The following OPN1SW variants were observed in gnomAD, a reference collection of about 807,000 sequenced individuals.
OPN1SW encodes the protein short-wave-sensitive opsin 1.
Under a neutral mutation model 31.9 loss-of-function variants are expected in OPN1SW, and 25 were observed. That is an observed-to-expected ratio of 0.78 (90% CI 0.57 to 1.09). OPN1SW has a LOEUF of 1.09. Among genes scored for constraint, OPN1SW ranks in the 50% least tolerant of loss-of-function variants. OPN1SW has a pLI of 0.00. For synonymous variants in OPN1SW, 190 were observed against 171.9 expected, an observed-to-expected ratio of 1.11 and a Z score of -0.82; for missense variants, 424 against 448.0, an observed-to-expected ratio of 0.95 and a Z score of 0.48.
In OPN1SW at chr7:128,775,675, G is replaced by A. The variant is rs746881691; in HGVS notation, c.107C>T (p.Ala36Val). ...TATAAGGAAGACAGTGCCCATGAAA[G>A]CTGCCTGGAGGTAGAAGGCCCAGAC... ...APVWAFYLQA[A>V]FMGTVFLIGF... The change falls in exon 1 of 5, where the codon GCT becomes GTT. Residue 36 changes from alanine to valine, a missense_variant. By Grantham distance (64) the Ala-to-Val change is moderately conservative. Transcript: ENST00000249389. The A allele has an allele frequency of 4.3e-6, 7 of 1,614,182 alleles. No homozygotes were observed. Among genetic ancestry groups the A allele is most frequent in the Admixed American group, 1.7e-5 (1 of 60,030 alleles).
In OPN1SW at chr7:128,775,652, T is replaced by C. The variant is rs1008553132; in HGVS notation, c.130A>G (p.Ile44Val). ...ACCATGGCATTGAGTGGGAACCCTA[T>C]AAGGAAGACAGTGCCCATGAAAGCT... Reference protein sequence around the residue: ...QAAFMGTVFLIGFPLNAMVLV... With the variant: ...QAAFMGTVFLVGFPLNAMVLV... Residue 44 changes from isoleucine (I) to valine (V), a missense_variant, in exon 1 of 5, where the codon ATA becomes GTA. Physicochemically the swap from Ile to Val is conservative, Grantham distance 29 (BLOSUM62 3). Transcript: ENST00000249389. 2.5e-6 allele frequency: 4 copies of C among 1,613,976 alleles called. No homozygotes were observed. In the African/African-American group the frequency reaches 5.3e-5, roughly 22 times the overall value.
At chr7:128,773,994 A>C in intron 3 of OPN1SW, 106 bp from the exon 4 acceptor site, 1 of 1,382,068 alleles carries the variant, frequency 7.2e-7, no homozygotes, top group Admixed American at 2.6e-5. Context: ...TTTGAGACCG[A>C]GTCTCGCTCT....
Position 128,774,559 on chromosome 7 carries a change from AAGCAGAAGATGAAGAGG to A in OPN1SW, c.600_616del (p.Leu201HisfsTer35). On this transcript the variant is annotated frameshift_variant, in exon 3 of 5. Transcript: ENST00000249389. LOFTEE classifies it high-confidence loss of function. ...GCAGATGAGGGAGAGAGGCACAATG[AAGCAGAAGATGAAGAGG>A]AACCACGTATAGGACTCGCTGCGGT... 6.2e-7 allele frequency: 1 copy of A among 1,614,094 alleles called. No individual in the cohort carries two copies. The highest frequency in any genetic ancestry group is 1.1e-5 in the South Asian group (1 of 91,074).
intron 4 of OPN1SW, among the ~76,000 whole-genome samples, chr7:128,773,213 A>AG (rs1483788657): frequency 1.3e-5 from 2 of 152,244 alleles, no homozygotes; most frequent in East Asian, 3.8e-4. Context: ...AAAAGTTGGA[A>AG]GGGAAATGAT....
rs187276868 is a variant in OPN1SW, at chr7:128,774,510, C to T, written c.666G>A (p.Arg222=). Residue 222 remains arginine, a synonymous_variant, in exon 3 of 5, where the codon AGG becomes AGA. Transcript: ENST00000249389. ...AAATGCCACTCACAGCTTTCAGGGC[C>T]CTCAGCAGCTGAGTGTAGGAGAAGC... The part of the protein sequence containing the change: ...LICFSYTQLL[R]ALKAVAAQQQ... 8 of 1,613,990 alleles carry T rather than the reference C, an allele frequency of 5.0e-6. No homozygotes were observed. The highest frequency in any genetic ancestry group is 6.8e-6 in the Non-Finnish European group (8 of 1,180,036).
Position 128,773,731 on chromosome 7 carries a change from A to G in OPN1SW, c.836T>C (p.Leu279Ser). 6.2e-7 allele frequency: 1 copy of G among 1,614,244 alleles called. No homozygotes were observed. The change falls in exon 4 of 5, where the codon TTA becomes TCA. Residue 279 changes from leucine (L) to serine (S), a missense_variant. By Grantham distance (145) the Leu-to-Ser change is moderately radical. Transcript: ENST00000249389. ...MVNNRNHGLD[L>S]RLVTIPSFFS... is the part of the protein sequence containing the mutation. ...GAATGAAGGAATGGTGACAAGCCGT[A>G]AGTCCAGCCCATGGTTACGGTTGTT...
rs1801729052 is a variant in OPN1SW at position 128,775,020 on chromosome 7, C to T, written c.478G>A (p.Gly160Ser). Residue 160 changes from glycine (G) to serine (S), a missense_variant, in exon 2 of 5, where the codon GGC (glycine) becomes AGC (serine). Gly to Ser is a moderately conservative substitution (Grantham distance 56). Transcript: ENST00000249389. ...CCAAAGAAGGGTGGGATGGAGACGC[C>T]AATACCAATGGTCCAGGTAGCCAGG... ...VVLATWTIGIGVSIPPFFGWS... is the reference protein window; with the variant it reads ...VVLATWTIGISVSIPPFFGWS... The T allele has an allele frequency of 1.2e-6, 2 of 1,614,100 alleles. No individual in the cohort carries two copies. The highest frequency in any genetic ancestry group is 1.7e-5 in the Admixed American group (1 of 60,014).
Position 128,772,496 on chromosome 7 carries a change from T to C in OPN1SW, c.*44A>G. 6.2e-7 allele frequency: 1 copy of C among 1,613,020 alleles called. No individual in the cohort carries two copies. Among genetic ancestry groups the C allele is most frequent in the Non-Finnish European group, 8.5e-7 (1 of 1,179,102 alleles). On this transcript the variant is annotated 3_prime_UTR_variant, in exon 5 of 5. Transcript: ENST00000249389. ...GAGACAATAGAAACTTACTTAAAAG[T>C]AAAATTTAATTCTAGCTGTTGCAAA...
chr7:128,772,660 C>T lies in OPN1SW; in HGVS notation c.919-1G>A, dbSNP rs771601968. 37 of 1,613,924 alleles carry T rather than the reference C, an allele frequency of 2.3e-5. No homozygotes were observed. The highest frequency in any genetic ancestry group is 2.9e-5 in the Non-Finnish European group (34 of 1,179,956). On this transcript the variant is annotated splice_acceptor_variant, in intron 4 of 4. Coordinates refer to ENST00000249389, the MANE Select transcript of OPN1SW (RefSeq NM_001385125.1). LOFTEE classifies it high-confidence loss of function. ...CCATCTTCATGATGCAAGCTTGGAA[C>T]TGGAGAGAAAGGTACAATTGGAGAT...
chr7:128,773,609 G>A (rs1038506845), intron 4 of OPN1SW, 40 bp downstream of exon 4: 6 of 1,613,666 alleles, frequency 3.7e-6, no homozygotes, highest in Non-Finnish European at 5.1e-6. Context: ...AAAAGAACCA[G>A]GGTCTTCTGG....
chr7:128,775,722 C>T lies in OPN1SW; in HGVS notation c.60G>A (p.Gly20=), dbSNP rs762189837. The T allele has an allele frequency of 4.3e-6, 7 of 1,614,136 alleles. No homozygotes were observed. Among genetic ancestry groups the T allele is most frequent in the Non-Finnish European group, 5.1e-6 (6 of 1,180,028 alleles). The change falls in exon 1 of 5, where the codon GGG becomes GGA. Residue 20 remains glycine, a synonymous_variant. Transcript: ENST00000249389. ...AGACAGGGGCAATGTGGTACTGAGG[C>T]CCATCCCACGGCCCCACTGAAGAGA... is the stretch of plus-strand genomic sequence containing the variant. ...KNISSVGPWD[G]PQYHIAPVWA... is the part of the protein sequence containing the mutation.
rs367950991 is a variant in OPN1SW at position 128,774,615 on chromosome 7, G to A, written c.561C>T (p.Thr187=). 39 of 1,614,082 alleles carry A rather than the reference G, an allele frequency of 2.4e-5. No homozygotes were observed. Among genetic ancestry groups the A allele is most frequent in the African/African-American group, 1.1e-4 (8 of 74,996 alleles). Reference sequence around the variant, plus strand: ...ACTCGCTGCGGTATTTGGTGCCCACGGTGTACCAGTCAGGGCCACAGGAAC... The same window carrying A: ...ACTCGCTGCGGTATTTGGTGCCCACAGTGTACCAGTCAGGGCCACAGGAAC... ...LQCSCGPDWY[T]VGTKYRSESY... is the part of the protein sequence containing the mutation. The change falls in exon 3 of 5, where the codon ACC becomes ACT. Residue 187 remains threonine, a synonymous_variant. Coordinates refer to ENST00000249389, the MANE Select transcript of OPN1SW (RefSeq NM_001385125.1).
intron 2 of OPN1SW, 133 bp from the exon 3 acceptor site, chr7:128,774,796 G>T: frequency 7.1e-7 from 1 of 1,403,112 alleles, no homozygotes; most frequent in South Asian, 1.2e-5. Context: ...TTTCTGTCCT[G>T]ACTGGGAGAA....
At position 128,775,521 on chromosome 7, in the gene OPN1SW, A is replaced by C. The variant is rs1331516381; in HGVS notation, c.261T>G (p.Pro87=). 6.2e-7 allele frequency: 1 copy of C among 1,613,934 alleles called. No homozygotes were observed. The highest frequency in any genetic ancestry group is 1.3e-5 in the African/African-American group (1 of 74,914). Residue 87 remains proline (P), a synonymous_variant, in exon 1 of 5, where the codon CCT becomes CCG. Coordinates refer to ENST00000249389, the MANE Select transcript of OPN1SW (RefSeq NM_001385125.1). The part of the protein sequence containing the change: ...GFLLCIFSVF[P]VFVASCNGYF... ...ATCCGTTACAGCTGGCGACGAAGAC[A>C]GGGAAGACAGAGAAGATGCAGAGGA... is the stretch of plus-strand genomic sequence containing the variant.
intron 3 of OPN1SW, among the ~76,000 whole-genome samples, chr7:128,774,251 G>A (rs1801704501): frequency 6.6e-6 from 1 of 152,114 alleles, no homozygotes; most frequent in Non-Finnish European, 1.5e-5. Context: ...GAGCCACTGC[G>A]CCCGGTCTCT....
intron 1 of OPN1SW, 113 bp downstream of exon 1, chr7:128,775,326 C>A: frequency 7.6e-7 from 1 of 1,309,714 alleles, no homozygotes; most frequent in Non-Finnish European, 1.1e-6. Flanking sequence ...TTGCTTTGTA[C>A]CCCAGTATTT....
intron 3 of OPN1SW, among the ~76,000 whole-genome samples, chr7:128,774,201 C>T (rs1337250604): frequency 6.6e-6 from 1 of 152,112 alleles, no homozygotes; most frequent in Non-Finnish European, 1.5e-5. Flanking sequence ...TCAGGTGATC[C>T]GTCTGCTTCG....
intron 3 of OPN1SW, among the ~76,000 whole-genome samples, chr7:128,774,192 C>T (rs1213700515): frequency 6.6e-6 from 1 of 152,124 alleles, no homozygotes; most frequent in Non-Finnish European, 1.5e-5. Context: ...CTATTGACCT[C>T]AGGTGATCCG....
In OPN1SW at chr7:128,775,734, C is replaced by T. The variant is rs1355447679; in HGVS notation, c.48G>A (p.Gly16=). Residue 16 remains glycine (G), a synonymous_variant, in exon 1 of 5, where the codon GGG becomes GGA. Coordinates refer to ENST00000249389, the MANE Select transcript of OPN1SW (RefSeq NM_001385125.1). ...FYLFKNISSV[G]PWDGPQYHIA... is the part of the protein sequence containing the mutation. ...TGTGGTACTGAGGCCCATCCCACGG[C>T]CCCACTGAAGAGATATTTTTGAACA... 5.0e-6 allele frequency: 8 copies of T among 1,614,158 alleles called. No homozygotes were observed. Among genetic ancestry groups the T allele is most frequent in the Admixed American group, 1.7e-5 (1 of 60,024 alleles).
Sources: gnomAD v4.1 joint callset for allele counts (sites outside exome capture counted in the v4.1 genomes callset) on GRCh38, gnomAD v4.1.1 for gene constraint, MANE v1.5 for transcripts, NCBI Gene and HGNC (gene_info 2026-07-23, HGNC 2026-07-21) for gene names.